SH3GL2: variants seen among roughly 807,000 people sequenced by gnomAD.
The protein encoded by SH3GL2 is endophilin-A1.
SH3GL2 carries 24 observed loss-of-function variants against 46.0 expected under a neutral mutation model. That is an observed-to-expected ratio of 0.52 (90% CI 0.38 to 0.73). SH3GL2 has a LOEUF of 0.73. Among genes scored for constraint, SH3GL2 ranks in the 30% least tolerant of loss-of-function variants. The pLI is 0.00. For synonymous variants in SH3GL2, 196 were observed against 147.1 expected (o/e 1.33, Z -2.40); for missense variants, 413 against 424.2 (o/e 0.97, Z 0.23).
intron 1 of SH3GL2, among the ~76,000 whole-genome samples, chr9:17,579,932 A>G (rs1474508728): frequency 6.6e-6 from 1 of 152,216 alleles, no homozygotes. Context: ...TGCGGGTCTT[A>G]AATATTTCCC....
Position 17,766,271 on chromosome 9 carries a change from A to G in SH3GL2, c.187+4762A>G, listed in dbSNP as rs183049488. On this transcript the variant is annotated intron_variant, in intron 3 of 8. Transcript: ENST00000380607. ...TGTGAGGGTGGGCTTTCGAGAACGCAGGACAGACAGCTGTAAAGTCATCCA... is the reference window on the plus strand; with the variant it reads ...TGTGAGGGTGGGCTTTCGAGAACGCGGGACAGACAGCTGTAAAGTCATCCA... 1.1e-4 allele frequency among the ~76,000 whole-genome samples: 16 copies of G among 152,356 alleles called. No homozygotes were observed. The East Asian group carries it at 2.7e-3, about 26-fold the overall frequency.
intron 1 of SH3GL2, among the ~76,000 whole-genome samples, chr9:17,638,766 C>T (rs1189576751): frequency 6.6e-6 from 1 of 152,204 alleles, no homozygotes; most frequent in Non-Finnish European, 1.5e-5. Context: ...AGCTGCCAAC[C>T]TCTCCTCAAC....
At chr9:17,766,481 C>G (rs1426109294) in intron 3 of SH3GL2, among the ~76,000 whole-genome samples, 1 of 152,152 alleles carries the variant, frequency 6.6e-6, no homozygotes, top group Non-Finnish European at 1.5e-5. Flanking sequence ...TATTCTGATG[C>G]CTTACGGGGG....
rs369527389 is a variant in SH3GL2, at chr9:17,593,447, A to C, written c.45+14160A>C. Among the ~76,000 whole-genome samples the C allele has an allele frequency of 1.8e-4, 28 of 151,932 alleles. 2 individuals carry two copies. In the East Asian group the frequency reaches 4.7e-3, roughly 25 times the overall value. ...GGGTTGCTGGTAGGGAGAAATCCCC[A>C]CACATTTTGGTAACCAGAGGTCACA... On this transcript the variant is annotated intron_variant, in intron 1 of 8. Coordinates refer to ENST00000380607, the MANE Select transcript of SH3GL2 (RefSeq NM_003026.5).
intron 1 of SH3GL2, among the ~76,000 whole-genome samples, chr9:17,603,453 T>A (rs1275533509): frequency 6.6e-6 from 1 of 152,074 alleles, no homozygotes; most frequent in East Asian, 1.9e-4. Context: ...AGACAGAAAG[T>A]AGAACAGTGG....
At chr9:17,605,327 T>C (rs561687382) in intron 1 of SH3GL2, among the ~76,000 whole-genome samples, 1 of 152,262 alleles carries the variant, frequency 6.6e-6, no homozygotes, top group South Asian at 2.1e-4. Flanking sequence ...CCCTCACTAC[T>C]GACTCATCCT....
At chr9:17,592,715 C>T (rs889111445) in intron 1 of SH3GL2, among the ~76,000 whole-genome samples, 4 of 151,948 alleles carry the variant, frequency 2.6e-5, no homozygotes, top group Admixed American at 2.0e-4. Flanking sequence ...ATATGTATTT[C>T]GTCTCCCTGT....
chr9:17,740,597 T>C (rs1278963814), intron 1 of SH3GL2, among the ~76,000 whole-genome samples: 4 of 152,112 alleles, frequency 2.6e-5, no homozygotes, highest in South Asian at 2.1e-4. Flanking sequence ...TCTATAAATA[T>C]TGAGAATACA....
At chr9:17,615,474 G>C (rs1818968578) in intron 1 of SH3GL2, among the ~76,000 whole-genome samples, 1 of 151,928 alleles carries the variant, frequency 6.6e-6, no homozygotes, top group Admixed American at 6.6e-5. Flanking sequence ...GGCTAACACA[G>C]TGAAACCCCG....
chr9:17,767,470 C>G (rs902604511), intron 3 of SH3GL2, among the ~76,000 whole-genome samples: 1 of 152,108 alleles, frequency 6.6e-6, no homozygotes, highest in Non-Finnish European at 1.5e-5. Context: ...GACTGTGGAA[C>G]TGAAAATGAA....
chr9:17,652,825 T>A (rs371740645), intron 1 of SH3GL2, among the ~76,000 whole-genome samples: 4 of 152,332 alleles, frequency 2.6e-5, no homozygotes, highest in African/African-American at 9.6e-5. Context: ...AATAGTTGAA[T>A]TTGTTATTCT....
chr9:17,613,357 T>C (rs1818911736), intron 1 of SH3GL2, among the ~76,000 whole-genome samples: 1 of 152,228 alleles, frequency 6.6e-6, no homozygotes, highest in Non-Finnish European at 1.5e-5. Context: ...CTGAAAACTA[T>C]GCGTGCCTTT....
chr9:17,721,331 G>A (rs1821889411), intron 1 of SH3GL2, among the ~76,000 whole-genome samples: 1 of 152,066 alleles, frequency 6.6e-6, no homozygotes, highest in African/African-American at 2.4e-5. Flanking sequence ...ACGAACAAAA[G>A]GAAATTTAAA....
intron 1 of SH3GL2, among the ~76,000 whole-genome samples, chr9:17,596,189 T>G (rs1013706298): frequency 6.6e-6 from 1 of 152,212 alleles, no homozygotes; most frequent in Non-Finnish European, 1.5e-5. Context: ...TTGGAACACC[T>G]GCCCTGCCCT....
At chr9:17,655,594 A>T (rs1820054901) in intron 1 of SH3GL2, among the ~76,000 whole-genome samples, 1 of 152,146 alleles carries the variant, frequency 6.6e-6, no homozygotes, top group African/African-American at 2.4e-5. Flanking sequence ...GCATTTTAAA[A>T]CCCCAAGCAT....
intron 3 of SH3GL2, among the ~76,000 whole-genome samples, chr9:17,763,305 C>G (rs1358240859): frequency 6.6e-6 from 1 of 152,110 alleles, no homozygotes; most frequent in Non-Finnish European, 1.5e-5. Context: ...CAGGTCCATC[C>G]AGAACTAAAC....
At chr9:17,733,671 A>G (rs1474472250) in intron 1 of SH3GL2, among the ~76,000 whole-genome samples, 3 of 151,938 alleles carry the variant, frequency 2.0e-5, no homozygotes, top group Admixed American at 6.6e-5. Flanking sequence ...ACATGCACAC[A>G]TGTGTTTATT....
At chr9:17,646,070 C>G (rs981564902) in intron 1 of SH3GL2, among the ~76,000 whole-genome samples, 1 of 151,810 alleles carries the variant, frequency 6.6e-6, no homozygotes, top group Non-Finnish European at 1.5e-5. Context: ...TTCATTCATT[C>G]CTTTTCCTTC....
chr9:17,657,271 C>T (rs923823624), intron 1 of SH3GL2, among the ~76,000 whole-genome samples: 2 of 152,120 alleles, frequency 1.3e-5, no homozygotes, highest in South Asian at 2.1e-4. Context: ...CATGAACAGA[C>T]AATTTTTAAT....
Sources: allele counts gnomAD v4.1 joint callset (sites outside exome capture counted in the v4.1 genomes callset), GRCh38; gene constraint gnomAD v4.1.1; transcripts MANE v1.5; gene names NCBI Gene and HGNC (gene_info 2026-07-23, HGNC 2026-07-21).